The following CCDC85A variants were observed in gnomAD, a reference collection of about 807,000 sequenced individuals.
CCDC85A encodes the protein coiled-coil domain-containing protein 85A.
Under a neutral mutation model 50.2 loss-of-function variants are expected in CCDC85A, and 38 were observed. That is an observed-to-expected ratio of 0.76 (90% CI 0.58 to 0.99). CCDC85A has a LOEUF of 0.99. Ranked by LOEUF, CCDC85A falls within the 50% of genes least tolerant of loss-of-function variation. CCDC85A has a pLI of 0.00. For synonymous variants in CCDC85A, 366 were observed against 301.4 expected (o/e 1.21, Z -2.22); for missense variants, 820 against 742.0 (o/e 1.11, Z -1.22).
intron 2 of CCDC85A, among the ~76,000 whole-genome samples, chr2:56,327,095 T>G (rs916585309): frequency 2.0e-5 from 3 of 152,156 alleles, no homozygotes; most frequent in African/African-American, 7.2e-5. Context: ...ATATTATACA[T>G]GGTAGATATT....
At chr2:56,343,290 T>C (rs951292868) in intron 3 of CCDC85A, among the ~76,000 whole-genome samples, 25 of 152,204 alleles carry the variant, frequency 1.6e-4, no homozygotes, top group African/African-American at 5.3e-4. Context: ...TTGGTGGATA[T>C]AGGGAAGGTA....
At chr2:56,327,258 T>C (rs1440411025) in intron 2 of CCDC85A, among the ~76,000 whole-genome samples, 3 of 152,146 alleles carry the variant, frequency 2.0e-5, no homozygotes, top group African/African-American at 7.2e-5. Context: ...TTGTGGGTGT[T>C]AAAGAGTCTG....
chr2:56,242,523 G>A (rs1026518429), intron 2 of CCDC85A, among the ~76,000 whole-genome samples: 16 of 152,094 alleles, frequency 1.1e-4, no homozygotes, highest in African/African-American at 3.4e-4. Context: ...AAATCAGAAT[G>A]AGATTTCACT....
intron 5 of CCDC85A, among the ~76,000 whole-genome samples, chr2:56,381,285 C>T (rs1201590805): frequency 6.6e-6 from 1 of 152,092 alleles, no homozygotes; most frequent in East Asian, 1.9e-4. Context: ...TTGAATATTT[C>T]CCTCAGATAA....
intron 2 of CCDC85A, among the ~76,000 whole-genome samples, chr2:56,320,957 G>T (rs1423614821): frequency 3.3e-5 from 5 of 152,064 alleles, no homozygotes; most frequent in Admixed American, 2.0e-4. Flanking sequence ...CAAGTGGGCT[G>T]CATCCCTGGG....
intron 2 of CCDC85A, among the ~76,000 whole-genome samples, chr2:56,257,836 AGAT>A (rs1670052641): frequency 6.6e-6 from 1 of 152,212 alleles, no homozygotes. Flanking sequence ...ATGGAGGAGA[AGAT>A]ATAAAAGATG....
intron 2 of CCDC85A, among the ~76,000 whole-genome samples, chr2:56,306,796 C>A (rs1672467447): frequency 6.6e-6 from 1 of 152,100 alleles, no homozygotes; most frequent in African/African-American, 2.4e-5. Context: ...TGAGTTACAG[C>A]AGTGAGAAAG....
chr2:56,189,123 T>C (rs1019881816), intron 1 of CCDC85A, among the ~76,000 whole-genome samples: 3 of 152,236 alleles, frequency 2.0e-5, no homozygotes, highest in African/African-American at 7.2e-5. Context: ...TGATATTTTC[T>C]AGTTGGAATG....
chr2:56,369,929 G>A (rs191038146), intron 3 of CCDC85A, among the ~76,000 whole-genome samples: 1 of 152,236 alleles, frequency 6.6e-6, no homozygotes, highest in Admixed American at 6.5e-5. Context: ...GAAACTTAAA[G>A]AGACTCAGTG....
intron 3 of CCDC85A, among the ~76,000 whole-genome samples, chr2:56,358,043 C>A (rs1215055548): frequency 6.6e-6 from 1 of 152,090 alleles, no homozygotes; most frequent in Non-Finnish European, 1.5e-5. Flanking sequence ...GGTTTGTGTC[C>A]AGATTTTCTG....
At position 56,193,321 on chromosome 2, in the gene CCDC85A, A is replaced by T; in HGVS notation, c.1121A>T (p.His374Leu). Residue 374 changes from histidine to leucine, a missense_variant, in exon 2 of 6, where the codon CAC becomes CTC. His to Leu is a moderately conservative substitution (Grantham distance 99). Coordinates refer to ENST00000407595, the MANE Select transcript of CCDC85A (RefSeq NM_001080433.2). Reference sequence around the variant, plus strand: ...TATGGAGGGAGCCCTGATCACAAACACGGAGGAGGCAGTGGAGGAAGTGGA... The same window carrying T: ...TATGGAGGGAGCCCTGATCACAAACTCGGAGGAGGCAGTGGAGGAAGTGGA... ...QHYGGSPDHK[H>L]GGGSGGSGGS... 6.2e-7 allele frequency: 1 copy of T among 1,613,336 alleles called. No homozygotes were observed. The highest frequency in any genetic ancestry group is 8.5e-7 in the Non-Finnish European group (1 of 1,179,576).
intron 2 of CCDC85A, among the ~76,000 whole-genome samples, chr2:56,241,409 C>A (rs1669253319): frequency 6.6e-6 from 1 of 152,012 alleles, no homozygotes. Flanking sequence ...CTATCAAATA[C>A]CAGATCTTAG....
intron 3 of CCDC85A, among the ~76,000 whole-genome samples, chr2:56,349,905 TG>T (rs919580308): frequency 6.6e-6 from 1 of 151,780 alleles, no homozygotes; most frequent in Non-Finnish European, 1.5e-5. Flanking sequence ...CAGAATTTTT[TG>T]CAAAAAATTA....
At chr2:56,282,878 A>G (rs547976810) in intron 2 of CCDC85A, among the ~76,000 whole-genome samples, 2 of 152,352 alleles carry the variant, frequency 1.3e-5, no homozygotes, top group African/African-American at 2.4e-5. Context: ...GAATAGTAGC[A>G]CTGCACATCT....
chr2:56,189,909 T>A (rs1676226794), intron 1 of CCDC85A, among the ~76,000 whole-genome samples: 1 of 151,996 alleles, frequency 6.6e-6, no homozygotes, highest in African/African-American at 2.4e-5. Context: ...TTGGCAAAGG[T>A]CAGGCCTGAA....
chr2:56,329,945 G>GTTTTTTTTT (rs535050957), intron 2 of CCDC85A, among the ~76,000 whole-genome samples: 5 of 44,156 alleles, frequency 1.1e-4, no homozygotes, highest in African/African-American at 2.1e-4. Context: ...CAGATTTCCT[G>GTTTTTTTTT]TTTTTTTTTT....
At chr2:56,329,737 A>G (rs1673669591) in intron 2 of CCDC85A, among the ~76,000 whole-genome samples, 1 of 152,084 alleles carries the variant, frequency 6.6e-6, no homozygotes, top group Non-Finnish European at 1.5e-5. Flanking sequence ...ATGAATTCCC[A>G]ATTGATTAAG....
intron 4 of CCDC85A, 125 bp downstream of exon 4, chr2:56,372,603 C>T: frequency 8.8e-7 from 1 of 1,133,554 alleles, no homozygotes; most frequent in Non-Finnish European, 1.2e-6. Context: ...AGTTGTATGT[C>T]TAAGTCTGGG....
chr2:56,327,924 C>T (rs1673561381), intron 2 of CCDC85A, among the ~76,000 whole-genome samples: 1 of 151,452 alleles, frequency 6.6e-6, no homozygotes, highest in African/African-American at 2.4e-5. Context: ...CTGTGCTAGT[C>T]CTTGCTTTAA....
Sources: allele counts gnomAD v4.1 joint callset (sites outside exome capture counted in the v4.1 genomes callset), GRCh38; gene constraint gnomAD v4.1.1; transcripts MANE v1.5; gene names NCBI Gene and HGNC (gene_info 2026-07-23, HGNC 2026-07-21).